The following FRMD3 variants were observed in gnomAD, a reference collection of about 807,000 sequenced individuals.
The protein encoded by FRMD3 is FERM domain-containing protein 3.
Under a neutral mutation model 70.2 loss-of-function variants are expected in FRMD3, and 33 were observed. That is an observed-to-expected ratio of 0.47 (90% confidence interval 0.36 to 0.63). FRMD3 has a LOEUF of 0.63. FRMD3 is among the 20% of genes least tolerant of loss of function. The pLI is 0.00. For missense variants in FRMD3, 632 were observed against 711.4 expected (o/e 0.89, Z 1.27); for synonymous variants, 279 against 255.9 (o/e 1.09, Z -0.86).
upstream of FRMD3, among the ~76,000 whole-genome samples, chr9:83,538,939 A>G (rs1399305760): frequency 6.6e-6 from 1 of 152,220 alleles, no homozygotes; most frequent in Non-Finnish European, 1.5e-5. This position sits in a 1 kb window ranked among gnomAD's most constrained non-coding sequence, Gnocchi z 4.7. Flanking sequence ...AATATCGCTA[A>G]TAGTAAAAAT....
At chr9:83,566,656 G>A in the FRMD3 span, among the ~76,000 whole-genome samples, 2 of 152,148 alleles carry the variant, frequency 1.3e-5, no homozygotes, top group Non-Finnish European at 2.9e-5. Context: ...AAGAGAAATT[G>A]GCCAAAACAA....
the FRMD3 span, among the ~76,000 whole-genome samples, chr9:83,571,359 CT>C: frequency 6.6e-6 from 1 of 152,170 alleles, no homozygotes; most frequent in African/African-American, 2.4e-5. Context: ...AGCATCTTTT[CT>C]TTATAAATTA....
At chr9:83,312,371 A>G (rs1172839180) in intron 7 of FRMD3, among the ~76,000 whole-genome samples, 1 of 152,216 alleles carries the variant, frequency 6.6e-6, no homozygotes, top group Non-Finnish European at 1.5e-5. Flanking sequence ...CTGAGCATCT[A>G]ATTTTGATTC....
At position 83,372,902 on chromosome 9, in the gene FRMD3, T is replaced by C; in HGVS notation, c.295+11A>G. ...ATTGTAGCAAAAGTAAAGTCACAGA[T>C]TGACACTTACTTTTCATTTGCTTGA... On this transcript the variant is annotated intron_variant, in intron 3 of 13. Coordinates refer to ENST00000304195, the MANE Select transcript of FRMD3 (RefSeq NM_174938.6). 3.1e-6 allele frequency: 5 copies of C among 1,609,688 alleles called. No individual in the cohort carries two copies. The highest frequency in any genetic ancestry group is 2.2e-5 in the East Asian group (1 of 44,848).
chr9:83,269,634 G>A (rs1563984940), intron 13 of FRMD3, among the ~76,000 whole-genome samples: 1 of 151,286 alleles, frequency 6.6e-6, no homozygotes, highest in Admixed American at 6.6e-5. Flanking sequence ...GCATAAACCC[G>A]GGAGGCGGAG....
chr9:83,383,329 G>T (rs959595453), intron 2 of FRMD3, among the ~76,000 whole-genome samples: 8 of 152,140 alleles, frequency 5.3e-5, no homozygotes, highest in Non-Finnish European at 8.8e-5. Flanking sequence ...AAACTTTTGG[G>T]AAGGCTCATT....
intron 13 of FRMD3, among the ~76,000 whole-genome samples, chr9:83,268,296 A>G (rs553278935): frequency 2.0e-5 from 3 of 152,372 alleles, no homozygotes; most frequent in African/African-American, 7.2e-5. Flanking sequence ...GTTATGCATC[A>G]ATATAAAATT....
chr9:83,408,328 G>A (rs559445760), intron 1 of FRMD3, among the ~76,000 whole-genome samples: 3 of 152,130 alleles, frequency 2.0e-5, no homozygotes, highest in Non-Finnish European at 2.9e-5. Flanking sequence ...AAGGATATTC[G>A]GGAGGAAAAA....
At chr9:83,508,319 T>C (rs1397507575) in intron 1 of FRMD3, among the ~76,000 whole-genome samples, 1 of 152,234 alleles carries the variant, frequency 6.6e-6, no homozygotes, top group Non-Finnish European at 1.5e-5. Context: ...AGGCATGCTG[T>C]GTTTCTGGAG....
intron 6 of FRMD3, among the ~76,000 whole-genome samples, chr9:83,321,901 G>C (rs1367390543): frequency 6.6e-6 from 1 of 152,108 alleles, no homozygotes; most frequent in Non-Finnish European, 1.5e-5. Flanking sequence ...ATCCTCTTGA[G>C]TGTCAGTTCA....
At chr9:83,363,572 T>TA (rs1179653533) in intron 3 of FRMD3, among the ~76,000 whole-genome samples, 1 of 137,932 alleles carries the variant, frequency 7.2e-6, no homozygotes, top group Non-Finnish European at 1.5e-5. Flanking sequence ...TTTTTTTTTT[T>TA]TGAGACGGAG....
chr9:83,548,195 TATA>T, the FRMD3 span, among the ~76,000 whole-genome samples: 2 of 152,216 alleles, frequency 1.3e-5, no homozygotes, highest in African/African-American at 4.8e-5. Flanking sequence ...AAGCTTAGCA[TATA>T]ATGTAGCACC....
intron 1 of FRMD3, among the ~76,000 whole-genome samples, chr9:83,392,862 C>T (rs1825705126): frequency 6.6e-6 from 1 of 152,152 alleles, no homozygotes; most frequent in South Asian, 2.1e-4. Flanking sequence ...TAATGTCAGA[C>T]TTTTGTTGAT....
intron 5 of FRMD3, among the ~76,000 whole-genome samples, chr9:83,342,486 T>C (rs1042374366): frequency 2.0e-5 from 3 of 152,232 alleles, no homozygotes; most frequent in Non-Finnish European, 1.5e-5. Context: ...CTGAAGAGCT[T>C]AGGTAACTTG....
intron 4 of FRMD3, among the ~76,000 whole-genome samples, chr9:83,347,666 A>G (rs1824007034): frequency 6.6e-6 from 1 of 152,220 alleles, no homozygotes; most frequent in Admixed American, 6.5e-5. Flanking sequence ...ACTCTTAAGC[A>G]TGGTCATGAA....
At chr9:83,571,113 G>C in the FRMD3 span, among the ~76,000 whole-genome samples, 1 of 152,134 alleles carries the variant, frequency 6.6e-6, no homozygotes, top group Admixed American at 6.5e-5. Context: ...TTCTCCCATG[G>C]AGGTGAGCAC....
chr9:83,270,332 A>C (rs191684963), intron 13 of FRMD3, among the ~76,000 whole-genome samples: 1 of 152,214 alleles, frequency 6.6e-6, no homozygotes, highest in South Asian at 2.1e-4. Flanking sequence ...GCATTCAGTG[A>C]TAAGAACTGT....
At chr9:83,439,220 C>T (rs1827228291) in intron 1 of FRMD3, among the ~76,000 whole-genome samples, 2 of 152,182 alleles carry the variant, frequency 1.3e-5, no homozygotes, top group South Asian at 4.1e-4. Flanking sequence ...CATTTAATGT[C>T]CATAAATGGA....
chr9:83,556,049 C>T, the FRMD3 span, among the ~76,000 whole-genome samples: 593 of 152,228 alleles, frequency 3.9e-3, 4 homozygotes, highest in African/African-American at 0.014. Flanking sequence ...GCCCAATGGA[C>T]GTTTCCACTG....
Sources: gnomAD v4.1 joint callset for allele counts (sites outside exome capture counted in the v4.1 genomes callset) on GRCh38, gnomAD v4.1.1 for gene constraint, Gnocchi (gnomAD v3.1) non-coding constraint, MANE v1.5 for transcripts, NCBI Gene and HGNC (gene_info 2026-07-23, HGNC 2026-07-21) for gene names.